Variants in ARL10 observed in about 807,000 individuals in gnomAD.
The protein encoded by ARL10 is ARF like GTPase 10.
ARL10 carries 23 observed loss-of-function variants against 26.1 expected under a neutral mutation model. That is an observed-to-expected ratio of 0.88 (90% CI 0.63 to 1.25). ARL10 has a LOEUF of 1.25. Ranked by LOEUF, ARL10 falls within the 50% of genes most tolerant of loss-of-function variation. The pLI, the probability that ARL10 is intolerant of heterozygous loss-of-function variation, is 0.00. For missense variants in ARL10, 300 were observed against 323.6 expected, an observed-to-expected ratio of 0.93 and a Z score of 0.56; for synonymous variants, 138 against 149.1, an observed-to-expected ratio of 0.93 and a Z score of 0.54.
Position 176,372,191 on chromosome 5 carries a change from G to GC in ARL10, c.*296_*297insC. 1 of 833,050 alleles carries GC rather than the reference G, an allele frequency of 1.2e-6. No homozygotes were observed. The highest frequency in any genetic ancestry group is 1.6e-6 in the Non-Finnish European group (1 of 619,650). 51.6% of individuals were successfully genotyped at this position (833,050 alleles called of 1,614,324 possible). On this transcript the variant is annotated 3_prime_UTR_variant, in exon 4 of 4. Coordinates refer to ENST00000310389, the MANE Select transcript of ARL10 (RefSeq NM_173664.6). ...TTCCCTTCTCTTACCTGTACAGTGA[G>GC]ATGCTCAGTGGGCTCAATCCTCCAC...
chr5:176,388,188 G>C (rs115822936), intron 1 of ARL10: 17 of 1,393,376 alleles, frequency 1.2e-5, no homozygotes, highest in Non-Finnish European at 1.7e-5. Flanking sequence ...CAGTATGGCG[G>C]GGGAAGAGTA....
At chr5:176,388,197 T>C in intron 1 of ARL10, 1 of 1,449,048 alleles carries the variant, frequency 6.9e-7, no homozygotes, top group South Asian at 1.2e-5. Context: ...GGGGGAAGAG[T>C]AAAGAAGACA....
the ARL10 span, among the ~76,000 whole-genome samples, chr5:176,414,767 C>T: frequency 2.8e-3 from 423 of 152,262 alleles, 2 homozygotes; most frequent in African/African-American, 9.8e-3. Flanking sequence ...ATTCTCTGGG[C>T]CACCGGTTTC....
At position 176,365,688 on chromosome 5, in the gene ARL10, G is replaced by C. The variant is rs780437265; in HGVS notation, c.125G>C (p.Arg42Pro). ...CGCGGCCGAGAGCGGCGCTGGGACCGGGGAGAGGCCTGGTGGGGCGCGGAG... is the reference window on the plus strand; with the variant it reads ...CGCGGCCGAGAGCGGCGCTGGGACCCGGGAGAGGCCTGGTGGGGCGCGGAG... ...FGRGRERRWD[R>P]GEAWWGAEAA... The change falls in exon 1 of 4, where the codon CGG becomes CCG. Residue 42 changes from arginine to proline, a missense_variant. Coordinates refer to ENST00000310389, the MANE Select transcript of ARL10 (RefSeq NM_173664.6). The C allele has an allele frequency of 9.6e-5, 120 of 1,244,110 alleles. No homozygotes were observed. Among genetic ancestry groups the C allele is most frequent in the Admixed American group, 4.6e-4 (11 of 23,792 alleles). 77.1% of individuals were successfully genotyped at this position (1,244,110 alleles called of 1,614,324 possible).
Position 176,365,502 on chromosome 5 carries a change from A to G in ARL10, c.-62A>G, listed in dbSNP as rs1768246950. The G allele has an allele frequency of 8.5e-7, 1 of 1,180,624 alleles. No homozygotes were observed. The highest frequency in any genetic ancestry group is 4.3e-5 in the South Asian group (1 of 23,056). The allele number at this position is 1,180,624 out of a possible 1,614,324, so 73.1% of individuals were successfully genotyped here. Reference sequence around the variant, plus strand: ...CGGCCGCAGCAGTCGCAGCGGGGCCATCTTCGGCGGGCGAGTGGGCTCGGC... The same window carrying G: ...CGGCCGCAGCAGTCGCAGCGGGGCCGTCTTCGGCGGGCGAGTGGGCTCGGC... On this transcript the variant is annotated 5_prime_UTR_variant, in exon 1 of 4. Transcript: ENST00000310389.
the ARL10 span, among the ~76,000 whole-genome samples, chr5:176,412,154 C>G: frequency 7.2e-6 from 1 of 139,466 alleles, no homozygotes; most frequent in Non-Finnish European, 1.5e-5. Flanking sequence ...CCAGCCTGGG[C>G]GACAGAGTGA....
chr5:176,366,480 G>C lies in ARL10; in HGVS notation c.284G>C (p.Arg95Pro), dbSNP rs775915373. 1.9e-6 allele frequency: 3 copies of C among 1,614,032 alleles called. No individual in the cohort carries two copies. Among genetic ancestry groups the C allele is most frequent in the Admixed American group, 3.3e-5 (2 of 60,030 alleles). The change falls in exon 2 of 4, where the codon CGC (arginine) becomes CCC (proline). Residue 95 changes from arginine (R) to proline (P), a missense_variant. Physicochemically the swap from Arg to Pro is moderately radical, Grantham distance 103. Coordinates refer to ENST00000310389, the MANE Select transcript of ARL10 (RefSeq NM_173664.6). The stretch of plus-strand genomic sequence containing the variant: ...GGCGCAGGCAAGAGCACGTTCCTGC[G>C]CGTGTTGTCGGGGAAGCCACCGCTG... Reference protein sequence around the residue: ...LDGAGKSTFLRVLSGKPPLEG... With the variant: ...LDGAGKSTFLPVLSGKPPLEG...
downstream of ARL10, chr5:176,385,277 G>A (rs1468526131): frequency 6.2e-6 from 10 of 1,613,448 alleles, no homozygotes; most frequent in Non-Finnish European, 7.6e-6. Context: ...ATGAGGTCCC[G>A]AGACAGAGTA....
intron 1 of ARL10, among the ~76,000 whole-genome samples, chr5:176,397,138 T>C (rs910788454): frequency 1.8e-4 from 27 of 152,212 alleles, no homozygotes; most frequent in African/African-American, 6.5e-4. Flanking sequence ...GGGTCCTCCT[T>C]ATCTCCATCT....
intron 1 of ARL10, chr5:176,398,124 A>G: frequency 7.5e-7 from 1 of 1,340,544 alleles, no homozygotes; most frequent in South Asian, 1.2e-5. Flanking sequence ...CTGGGGACCC[A>G]CTCATGTCTG....
chr5:176,414,432 CTTT>C, the ARL10 span, among the ~76,000 whole-genome samples: 18 of 134,648 alleles, frequency 1.3e-4, no homozygotes, highest in Admixed American at 1.5e-4. Flanking sequence ...GCTATAGAAT[CTTT>C]TTTTTTTTTT....
intron 1 of ARL10, among the ~76,000 whole-genome samples, chr5:176,394,802 A>G (rs192143661): frequency 1.5e-4 from 23 of 151,358 alleles, no homozygotes; most frequent in African/African-American, 4.3e-4. Flanking sequence ...GTGACAGAGC[A>G]AGACTCCGTC....
intron 1 of ARL10, among the ~76,000 whole-genome samples, chr5:176,400,497 C>T (rs1756764472): frequency 6.6e-6 from 1 of 152,170 alleles, no homozygotes; most frequent in African/African-American, 2.4e-5. Flanking sequence ...CTTGCCAGAG[C>T]TGGGGACCCA....
chr5:176,412,626 G>A, the ARL10 span, among the ~76,000 whole-genome samples: 1 of 152,152 alleles, frequency 6.6e-6, no homozygotes, highest in Non-Finnish European at 1.5e-5. Flanking sequence ...CAGTGTGTTT[G>A]GCCTGGGGAC....
chr5:176,385,253 A>G, downstream of ARL10: 1 of 1,612,504 alleles, frequency 6.2e-7, no homozygotes, highest in Non-Finnish European at 8.5e-7. Context: ...TCTACCATGT[A>G]GCGTACATAG....
In ARL10 at chr5:176,365,602, G is replaced by C. The variant is rs2303667; in HGVS notation, c.39G>C (p.Leu13=). The C allele has an allele frequency of 0.6, 752,015 of 1,251,966 alleles. 226,724 individuals carry two copies. The highest frequency in any genetic ancestry group is 0.64 in the Middle Eastern group (2,822 of 4,388). 77.6% of individuals were successfully genotyped at this position (1,251,966 alleles called of 1,614,324 possible). A position where few individuals can be genotyped will look rare whatever the true frequency, so the allele number is the denominator to read the frequency against. Reference sequence around the variant, plus strand: ...CGCTGGGCCCCTTGGTGCTGGCGCTGGGCGGCGCCGCGGCGGTGCTGGGCT... The same window carrying C: ...CGCTGGGCCCCTTGGTGCTGGCGCTCGGCGGCGCCGCGGCGGTGCTGGGCT... ...PRPLGPLVLA[L]GGAAAVLGSV... The change falls in exon 1 of 4, where the codon CTG becomes CTC. Residue 13 remains leucine (L), a synonymous_variant. Transcript: ENST00000310389.
chr5:176,393,737 T>C lies in ARL10; in HGVS notation c.134-8004T>C, dbSNP rs934864886. 7.2e-5 allele frequency among the ~76,000 whole-genome samples: 11 copies of C among 152,162 alleles called. No homozygotes were observed. Among genetic ancestry groups the C allele is most frequent in the African/African-American group, 2.4e-4 (10 of 41,436 alleles). Reference sequence around the variant, plus strand: ...AAAACTGGCGGTCCTTCATCAGAAGTTCTGGTTGACAGTCACAGAAGCCAC... The same window carrying C: ...AAAACTGGCGGTCCTTCATCAGAAGCTCTGGTTGACAGTCACAGAAGCCAC... On this transcript the variant is annotated intron_variant, in intron 1 of 1. Coordinates refer to the ARL10 transcript ENST00000514533. This position sits in a 1 kb window ranked among gnomAD's most constrained non-coding sequence, Gnocchi z 4.4.
At chr5:176,399,289 C>T (rs1264443303) in intron 1 of ARL10, among the ~76,000 whole-genome samples, 1 of 152,142 alleles carries the variant, frequency 6.6e-6, no homozygotes, top group Non-Finnish European at 1.5e-5. Flanking sequence ...GAGAAGCATC[C>T]CTGAGATATG....
At chr5:176,403,049 A>ATTT (rs34807992), downstream of ARL10, among the ~76,000 whole-genome samples, 38 of 138,014 alleles carry the variant, frequency 2.8e-4, 1 homozygote, top group Middle Eastern at 3.8e-3. Flanking sequence ...GCCTGCCCTA[A>ATTT]TTTTTTTTTT....
Sources: allele counts gnomAD v4.1 joint callset (sites outside exome capture counted in the v4.1 genomes callset), GRCh38; gene constraint gnomAD v4.1.1; non-coding constraint Gnocchi (gnomAD v3.1); transcripts MANE v1.5; gene names NCBI Gene and HGNC (gene_info 2026-07-23, HGNC 2026-07-21).